The following IFT43 variants were observed in gnomAD, a reference collection of about 807,000 sequenced individuals.
The protein encoded by IFT43 is intraflagellar transport 43, also known as intraflagellar transport protein 43 homolog.
Under a neutral mutation model 32.3 loss-of-function variants are expected in IFT43, and 33 were observed. That is an observed-to-expected ratio of 1.02 (90% CI 0.77 to 1.37). The LOEUF (loss-of-function observed/expected upper bound fraction) is 1.37. Ranked by LOEUF, IFT43 falls within the 40% of genes most tolerant of loss-of-function variation. The probability of loss-of-function intolerance (pLI) is 0.00; values close to 1 mark genes in which losing one functional copy is unlikely to be tolerated. For synonymous variants in IFT43, 93 were observed against 98.2 expected (o/e 0.95, Z 0.31); for missense variants, 274 against 265.9 (o/e 1.03, Z -0.21).
intron 3 of IFT43, among the ~76,000 whole-genome samples, chr14:76,057,336 A>G (rs2037038298): frequency 6.6e-6 from 1 of 152,020 alleles, no homozygotes; most frequent in South Asian, 2.1e-4. Flanking sequence ...TGTTCAAGCG[A>G]TTCTCCTGTC....
intron 2 of IFT43, among the ~76,000 whole-genome samples, chr14:75,999,802 G>T (rs11628923): frequency 0.32 from 49,443 of 152,170 alleles, 9,404 homozygotes; most frequent in Non-Finnish European, 0.42. Context: ...TTAGGGCACG[G>T]TAAAACCATT....
At chr14:76,002,366 AG>A (rs11349013) in intron 2 of IFT43, among the ~76,000 whole-genome samples, 127,297 of 150,554 alleles carry the variant, frequency 0.85, 53,924 homozygotes, top group African/African-American at 0.89. Flanking sequence ...TAAAAAGGTA[AG>A]GGGGGGGGTG....
Position 76,036,160 on chromosome 14 carries a change from C to T in IFT43, c.215+13766C>T, listed in dbSNP as rs116138900. On this transcript the variant is annotated intron_variant, in intron 3 of 8. Transcript: ENST00000314067. ...ATAAGGACTGTTTTTGTTTGTTAAC[C>T]ATCATGACATTAGGATGCATATCAA... 6.1e-3 allele frequency among the ~76,000 whole-genome samples: 931 copies of T among 152,104 alleles called. 12 individuals carry two copies. The highest frequency in any genetic ancestry group is 0.021 in the African/African-American group (880 of 41,472).
At chr14:76,001,173 C>CG (rs1429953297) in intron 2 of IFT43, among the ~76,000 whole-genome samples, 2 of 152,140 alleles carry the variant, frequency 1.3e-5, no homozygotes, top group African/African-American at 4.8e-5. Context: ...AACAACTGGA[C>CG]GGGGATGGAT....
intron 2 of IFT43, among the ~76,000 whole-genome samples, chr14:75,999,658 A>T (rs1237964918): frequency 1.3e-5 from 2 of 152,312 alleles, no homozygotes; most frequent in Non-Finnish European, 2.9e-5. Context: ...AAGGCTTTCT[A>T]AAAGAGGCAG....
At chr14:76,082,426 A>T (rs2037528365) in intron 6 of IFT43, 59 bp downstream of exon 6, 2 of 1,213,418 alleles carry the variant, frequency 1.6e-6, no homozygotes, top group African/African-American at 1.5e-5. Context: ...TACACTCCAG[A>T]TATCATCTAT....
At chr14:75,999,281 A>ATATT (rs1566699821) in intron 2 of IFT43, among the ~76,000 whole-genome samples, 37 of 39,042 alleles carry the variant, frequency 9.5e-4, no homozygotes, top group Non-Finnish European at 1.3e-3. Context: ...ATGTATATAT[A>ATATT]TTTTTTTTTT....
rs1566740262 is a variant in IFT43 at position 76,082,368 on chromosome 14, G to C, written c.368+1G>C. On this transcript the variant is annotated splice_donor_variant, in intron 6 of 8. Coordinates refer to ENST00000314067, the MANE Select transcript of IFT43 (RefSeq NM_001102564.3). LOFTEE classifies it high-confidence loss of function. ...TTTTGCAGGTGGCAGCCCCTCCCAG[G>C]TAGGTTAAATCAGATATGATTGGGG... is the stretch of plus-strand genomic sequence containing the variant. 2 of 1,586,754 alleles carry C rather than the reference G, an allele frequency of 1.3e-6. No homozygotes were observed. Among genetic ancestry groups the C allele is most frequent in the East Asian group, 2.2e-5 (1 of 44,772 alleles).
At chr14:75,988,561 C>G (rs1341035282) in intron 1 of IFT43, among the ~76,000 whole-genome samples, 5 of 152,102 alleles carry the variant, frequency 3.3e-5, no homozygotes, top group Non-Finnish European at 5.9e-5. Context: ...CTCTGTCACC[C>G]AGGCTGGAGT....
At chr14:76,003,329 A>C (rs948998733) in intron 2 of IFT43, among the ~76,000 whole-genome samples, 2 of 152,082 alleles carry the variant, frequency 1.3e-5, no homozygotes, top group African/African-American at 4.8e-5. Context: ...CATAGAGTTA[A>C]TATTATACCA....
chr14:76,024,796 C>T (rs1158654133), intron 3 of IFT43, among the ~76,000 whole-genome samples: 2 of 152,194 alleles, frequency 1.3e-5, no homozygotes, highest in African/African-American at 4.8e-5. Flanking sequence ...ATGCTTTAAA[C>T]AGGCTTTGAT....
At chr14:76,005,963 T>C (rs974096651) in intron 2 of IFT43, among the ~76,000 whole-genome samples, 1 of 152,176 alleles carries the variant, frequency 6.6e-6, no homozygotes, top group African/African-American at 2.4e-5. Flanking sequence ...ACATACACTT[T>C]TTTTTTTTTC....
intron 3 of IFT43, among the ~76,000 whole-genome samples, chr14:76,049,743 C>T (rs559077166): frequency 6.6e-5 from 10 of 152,154 alleles, no homozygotes; most frequent in African/African-American, 2.4e-4. Context: ...CATTTAACTG[C>T]TCTGTGCTGC....
rs187440775 is a variant in IFT43, at chr14:76,064,651, C to T, written c.295+5278C>T. ...AAAGGGCAAGTTATTTCCTGCAGGA[C>T]GTCTTCTTTGGACAGCCTCAGTCCC... On this transcript the variant is annotated intron_variant, in intron 5 of 8. Transcript: ENST00000314067. Among the ~76,000 whole-genome samples the T allele has an allele frequency of 3.1e-3, 466 of 152,310 alleles. 2 individuals are homozygous for T. The highest frequency in any genetic ancestry group is 0.011 in the African/African-American group (440 of 41,556).
intron 5 of IFT43, among the ~76,000 whole-genome samples, chr14:76,080,997 G>T (rs1199348050): frequency 2.0e-5 from 3 of 151,960 alleles, no homozygotes; most frequent in Non-Finnish European, 4.4e-5. Context: ...TTTATCCCTT[G>T]TTTTCTCTGC....
chr14:75,990,302 C>T (rs2035612117), intron 2 of IFT43, among the ~76,000 whole-genome samples: 2 of 152,232 alleles, frequency 1.3e-5, no homozygotes, highest in Non-Finnish European at 2.9e-5. Context: ...ATTAAGAAAA[C>T]CTAATCACCA....
At chr14:76,025,224 T>A (rs7143301) in intron 3 of IFT43, among the ~76,000 whole-genome samples, 2,847 of 152,256 alleles carry the variant, frequency 0.019, 88 homozygotes, top group African/African-American at 0.065. Context: ...AAATGGCATA[T>A]CTTGAAAGAT....
rs1333301807 is a variant in IFT43 at position 75,985,988 on chromosome 14, C to T, written c.54+148C>T. ...CCAGAAGGAGGCAGCCTCACCGCCC[C>T]GCCCCCAGGCCACTGTGGGCTCCGC... is the stretch of plus-strand genomic sequence containing the variant. On this transcript the variant is annotated intron_variant, in intron 1 of 8. Transcript: ENST00000314067. 8 of 1,526,342 alleles carry T rather than the reference C, an allele frequency of 5.2e-6. No homozygotes were observed. The Admixed American group carries it at 1.4e-4, about 27-fold the overall frequency. The allele number at this position is 1,526,342 out of a possible 1,614,324, so 94.5% of individuals were successfully genotyped here.
At chr14:75,996,635 G>C (rs1484724417) in intron 2 of IFT43, among the ~76,000 whole-genome samples, 1 of 152,204 alleles carries the variant, frequency 6.6e-6, no homozygotes, top group Non-Finnish European at 1.5e-5. Flanking sequence ...TTTGTCTCTT[G>C]TAGTAGCATT....
Sources: allele counts gnomAD v4.1 joint callset (sites outside exome capture counted in the v4.1 genomes callset), GRCh38; gene constraint gnomAD v4.1.1; transcripts MANE v1.5; gene names NCBI Gene and HGNC (gene_info 2026-07-23, HGNC 2026-07-21).